STPG2: variants seen among roughly 807,000 people sequenced by gnomAD.
STPG2 encodes sperm-tail PG-rich repeat-containing protein 2.
A neutral mutation model predicts 54.2 loss-of-function variants in STPG2; 56 were observed. The observed-to-expected ratio is 1.03, with a 90% CI of 0.83 to 1.29. The LOEUF is 1.29. STPG2 is among the 50% of genes most tolerant of loss of function. The pLI, the probability that STPG2 is intolerant of heterozygous loss-of-function variation, is 0.00. For missense variants in STPG2, 596 were observed against 544.9 expected (o/e 1.09, Z -0.93); for synonymous variants, 200 against 181.8 (o/e 1.10, Z -0.81).
At chr4:97,581,155 T>G (rs2148890941) in intron 10 of STPG2, among the ~76,000 whole-genome samples, 1 of 152,196 alleles carries the variant, frequency 6.6e-6, no homozygotes, top group South Asian at 2.1e-4. Flanking sequence ...AATTACAAAT[T>G]CATTTCTTTG....
chr4:98,001,809 T>C (rs540270437), intron 5 of STPG2, among the ~76,000 whole-genome samples: 1 of 152,156 alleles, frequency 6.6e-6, no homozygotes, highest in South Asian at 2.1e-4. Flanking sequence ...TGGATTTGTA[T>C]GTGAAATTTC....
Position 97,523,709 on chromosome 4 carries a change from G to A in STPG2, c.462+188990C>T, listed in dbSNP as rs543593486. ...TAGCATCAGAAGGAAAAAACACTGG[G>A]CAGTGAATGTGTCCCCTGTAAGCTG... is the stretch of plus-strand genomic sequence containing the variant. On this transcript the variant is annotated intron_variant, in intron 4 of 4. Coordinates refer to the STPG2 transcript ENST00000522676. Among the ~76,000 whole-genome samples the A allele has an allele frequency of 1.1e-4, 17 of 152,056 alleles. No homozygotes were observed. In the East Asian group the frequency reaches 3.1e-3, roughly 28 times the overall value.
chr4:97,459,221 A>G (rs1195513459), intron 4 of STPG2, among the ~76,000 whole-genome samples: 1 of 152,102 alleles, frequency 6.6e-6, no homozygotes, highest in Non-Finnish European at 1.5e-5. Flanking sequence ...GAAGAGTGCA[A>G]ATGATACAAT....
intron 5 of STPG2, among the ~76,000 whole-genome samples, chr4:98,071,737 G>A (rs1738010420): frequency 6.6e-6 from 1 of 152,108 alleles, no homozygotes; most frequent in Admixed American, 6.5e-5. Flanking sequence ...CCATTAAAAA[G>A]TGGGCAAAGG....
intron 8 of STPG2, among the ~76,000 whole-genome samples, chr4:97,842,741 A>G (rs1463467248): frequency 6.6e-6 from 1 of 151,934 alleles, no homozygotes; most frequent in Non-Finnish European, 1.5e-5. Flanking sequence ...TTGTCAAACT[A>G]GTTCCTTAAA....
At chr4:97,483,017 TGCCACCACCAA>T (rs1193849057) in intron 4 of STPG2, among the ~76,000 whole-genome samples, 1 of 151,724 alleles carries the variant, frequency 6.6e-6, no homozygotes, top group African/African-American at 2.4e-5. Flanking sequence ...CTGAGAAATT[TGCCACCACCAA>T]GCCATCACTA....
chr4:97,513,616 C>A (rs1438143891), intron 4 of STPG2, among the ~76,000 whole-genome samples: 1 of 152,102 alleles, frequency 6.6e-6, no homozygotes, highest in Non-Finnish European at 1.5e-5. Context: ...CAAATATATA[C>A]ATATGCACAT....
chr4:98,041,148 T>C (rs1443882336), intron 5 of STPG2, among the ~76,000 whole-genome samples: 1 of 151,896 alleles, frequency 6.6e-6, no homozygotes, highest in Non-Finnish European at 1.5e-5. Context: ...TTTTGGTATA[T>C]AGAAATGCTA....
chr4:98,052,113 T>C, intron 5 of STPG2, among the ~76,000 whole-genome samples: 1 of 150,422 alleles, frequency 6.6e-6, no homozygotes. Flanking sequence ...AAGAAACAAA[T>C]TCACATTCAA....
At chr4:97,705,270 CTT>C (rs1359461510) in intron 10 of STPG2, among the ~76,000 whole-genome samples, 1 of 152,022 alleles carries the variant, frequency 6.6e-6, no homozygotes, top group African/African-American at 2.4e-5. Context: ...TCCCATTACT[CTT>C]TTATATTTCA....
intron 4 of STPG2, among the ~76,000 whole-genome samples, chr4:97,537,778 T>C (rs1423059274): frequency 6.6e-6 from 1 of 151,638 alleles, no homozygotes; most frequent in African/African-American, 2.4e-5. Flanking sequence ...GAGTAGATTA[T>C]CTGGGAGGCA....
In STPG2 at chr4:97,981,043, A is replaced by G. The variant is rs1734657027; in HGVS notation, c.772+116T>C. The G allele has an allele frequency of 2.7e-6, 3 of 1,098,384 alleles. No individual in the cohort carries two copies. The African/African-American group carries it at 4.8e-5, about 17-fold the overall frequency. 68.0% of individuals were successfully genotyped at this position (1,098,384 alleles called of 1,614,324 possible). On this transcript the variant is annotated intron_variant, in intron 6 of 10. Coordinates refer to ENST00000295268, the MANE Select transcript of STPG2 (RefSeq NM_174952.3). Reference sequence around the variant, plus strand: ...ATGCTTTAAAAAATGTTGACTTAAAATGACACCAACCATAGGACAAAAAAG... The same window carrying G: ...ATGCTTTAAAAAATGTTGACTTAAAGTGACACCAACCATAGGACAAAAAAG...
intron 10 of STPG2, among the ~76,000 whole-genome samples, chr4:97,683,554 T>TTGACAAAACCCA (rs1300695273): frequency 6.6e-5 from 10 of 151,758 alleles, no homozygotes; most frequent in African/African-American, 1.9e-4. Context: ...AGAAAAACAT[T>TTGACAAAACCCA]TGACAAAACC....
chr4:97,542,784 G>A (rs1468958208), intron 4 of STPG2, among the ~76,000 whole-genome samples: 1 of 152,106 alleles, frequency 6.6e-6, no homozygotes, highest in Non-Finnish European at 1.5e-5. Context: ...AGAATACTAT[G>A]CAGCCATAAA....
intron 10 of STPG2, among the ~76,000 whole-genome samples, chr4:97,653,650 T>C (rs1722137086): frequency 1.3e-5 from 2 of 151,988 alleles, no homozygotes; most frequent in Non-Finnish European, 2.9e-5. Flanking sequence ...TAGAAAAATA[T>C]CTTTAAGCTA....
At chr4:97,958,347 C>CAG (rs1330889274) in intron 7 of STPG2, among the ~76,000 whole-genome samples, 1 of 151,608 alleles carries the variant, frequency 6.6e-6, no homozygotes, top group Non-Finnish European at 1.5e-5. Flanking sequence ...CCAAGGTATA[C>CAG]AGGCAACAAA....
At chr4:98,126,402 C>T (rs1325834075) in intron 3 of STPG2, among the ~76,000 whole-genome samples, 1 of 152,222 alleles carries the variant, frequency 6.6e-6, no homozygotes, top group East Asian at 1.9e-4. Flanking sequence ...ACGAGGGGAT[C>T]TCCTGGTCCA....
chr4:97,845,203 G>A (rs1298718494), intron 8 of STPG2, among the ~76,000 whole-genome samples: 1 of 151,618 alleles, frequency 6.6e-6, no homozygotes, highest in Non-Finnish European at 1.5e-5. Flanking sequence ...AGCAACTCTG[G>A]ATTTTTTTTC....
intron 9 of STPG2, among the ~76,000 whole-genome samples, chr4:97,839,902 A>C (rs566589344): frequency 5.9e-5 from 9 of 151,698 alleles, no homozygotes; most frequent in African/African-American, 2.2e-4. Flanking sequence ...ATTCTCATAA[A>C]AATTCATTAC....
Sources: gnomAD v4.1 joint callset for allele counts (sites outside exome capture counted in the v4.1 genomes callset) on GRCh38, gnomAD v4.1.1 for gene constraint, MANE v1.5 for transcripts, NCBI Gene and HGNC (gene_info 2026-07-23, HGNC 2026-07-21) for gene names.